Variants in PKHD1 observed in about 807,000 individuals in gnomAD.
PKHD1 encodes PKHD1 ciliary IPT domain containing fibrocystin/polyductin.
Under a neutral mutation model 412.0 loss-of-function variants are expected in PKHD1, and 291 were observed. That is an observed-to-expected ratio of 0.71 (90% CI 0.64 to 0.78). The LOEUF is 0.78. Among genes scored for constraint, PKHD1 ranks in the 30% least tolerant of loss-of-function variants. The pLI, the probability that PKHD1 is intolerant of heterozygous loss-of-function variation, is 0.00. For missense variants in PKHD1, 4,825 were observed against 4,950.7 expected (o/e 0.97, Z 0.76); for synonymous variants, 1,777 against 1,821.5 (o/e 0.98, Z 0.62).
chr6:51,847,900 T>G lies in PKHD1; in HGVS notation c.7982A>C (p.Tyr2661Ser). 1 of 1,613,892 alleles carries G rather than the reference T, an allele frequency of 6.2e-7. No individual in the cohort carries two copies. Among genetic ancestry groups the G allele is most frequent in the Non-Finnish European group, 8.5e-7 (1 of 1,179,822 alleles). ...LLLVHTDLPP[Y>S]PDILLRCGSR... The stretch of plus-strand genomic sequence containing the variant: ...CCCACATCTTAGGAGGATGTCAGGG[T>G]AAGGCGGCAAATCTGTGTGCACCAG... Residue 2661 changes from tyrosine (Y) to serine (S), a missense_variant, in exon 50 of 67, where the codon TAC becomes TCC. Tyr to Ser is a moderately radical substitution (Grantham distance 144). Transcript: ENST00000371117.
intron 64 of PKHD1, among the ~76,000 whole-genome samples, chr6:51,633,139 A>T (rs1012929299): frequency 1.3e-5 from 2 of 152,192 alleles, no homozygotes; most frequent in Admixed American, 1.3e-4. Context: ...AACACATCAA[A>T]ACAGGGGCAT....
intron 36 of PKHD1, among the ~76,000 whole-genome samples, chr6:51,959,184 C>A (rs1290806107): frequency 5.3e-5 from 8 of 152,048 alleles, no homozygotes; most frequent in Non-Finnish European, 2.9e-5. Context: ...AATCATATCT[C>A]CCATGTAATT....
intron 35 of PKHD1, among the ~76,000 whole-genome samples, chr6:51,962,756 C>T (rs891016518): frequency 6.6e-6 from 1 of 152,084 alleles, no homozygotes; most frequent in African/African-American, 2.4e-5. Context: ...TTACTTAATT[C>T]ATGCCTCTGC....
intron 55 of PKHD1, among the ~76,000 whole-genome samples, chr6:51,756,794 G>T (rs1040186595): frequency 1.3e-5 from 2 of 152,142 alleles, no homozygotes; most frequent in African/African-American, 4.8e-5. Flanking sequence ...AAGTCAATCT[G>T]CTGTATAATT....
intron 16 of PKHD1, among the ~76,000 whole-genome samples, chr6:52,057,424 CTT>C (rs34656811): frequency 1.7e-4 from 25 of 147,844 alleles, no homozygotes; most frequent in South Asian, 8.6e-4. Context: ...TTCTATGCAG[CTT>C]TTTTTTTTTT....
At chr6:51,801,454 T>G (rs1439684728) in intron 52 of PKHD1, among the ~76,000 whole-genome samples, 1 of 152,116 alleles carries the variant, frequency 6.6e-6, no homozygotes, top group African/African-American at 2.4e-5. Flanking sequence ...AGTGCTAGCT[T>G]TATAGTCTGC....
chr6:51,769,396 C>A (rs1789670614), intron 55 of PKHD1, among the ~76,000 whole-genome samples: 1 of 151,054 alleles, frequency 6.6e-6, no homozygotes, highest in Admixed American at 6.6e-5. Context: ...GTTAAAAATT[C>A]CTTTTTATAA....
At chr6:51,941,777 A>C (rs1788619141) in intron 36 of PKHD1, among the ~76,000 whole-genome samples, 3 of 150,488 alleles carry the variant, frequency 2.0e-5, no homozygotes, top group South Asian at 2.1e-4. Context: ...TTTCTTTACT[A>C]TTCCTTTGCA....
At chr6:52,015,154 T>A (rs1800366017) in intron 34 of PKHD1, among the ~76,000 whole-genome samples, 1 of 152,218 alleles carries the variant, frequency 6.6e-6, no homozygotes, top group East Asian at 1.9e-4. Flanking sequence ...ATTATAAATA[T>A]TTCCCTGTCT....
chr6:51,913,692 T>C (rs1783341616), intron 37 of PKHD1, among the ~76,000 whole-genome samples: 1 of 152,126 alleles, frequency 6.6e-6, no homozygotes, highest in Admixed American at 6.6e-5. Flanking sequence ...TGGCCGACAA[T>C]AAATCATTTT....
intron 45 of PKHD1, among the ~76,000 whole-genome samples, chr6:51,883,600 C>T (rs188439552): frequency 3.9e-5 from 6 of 152,202 alleles, no homozygotes; most frequent in African/African-American, 1.4e-4. Context: ...TATATTAACT[C>T]ATACTGTCAG....
chr6:52,066,712 CA>C (rs1454521207), intron 11 of PKHD1, among the ~76,000 whole-genome samples: 2 of 151,996 alleles, frequency 1.3e-5, no homozygotes, highest in Non-Finnish European at 2.9e-5. Context: ...CCAACATGAC[CA>C]ATATGGTGAA....
chr6:51,958,245 C>A (rs1791448717), intron 36 of PKHD1, among the ~76,000 whole-genome samples: 1 of 152,080 alleles, frequency 6.6e-6, no homozygotes, highest in Non-Finnish European at 1.5e-5. Context: ...AGAAGAGACC[C>A]TTCAGATGAC....
chr6:51,946,818 T>C (rs1476201391), intron 36 of PKHD1, among the ~76,000 whole-genome samples: 2 of 152,242 alleles, frequency 1.3e-5, no homozygotes, highest in Admixed American at 6.5e-5. Context: ...TTGTTTCTTT[T>C]AAAGGGAAGT....
At chr6:51,721,438 G>T (rs1781914505) in intron 60 of PKHD1, 12 of 653,672 alleles carry the variant, frequency 1.8e-5, no homozygotes, top group Admixed American at 6.4e-5. Context: ...AATATAATTG[G>T]TAAAGAAGAG....
chr6:51,855,335 C>T (rs1773083634), intron 49 of PKHD1, among the ~76,000 whole-genome samples: 1 of 152,182 alleles, frequency 6.6e-6, no homozygotes, highest in Admixed American at 6.5e-5. Context: ...CGATGGTAGC[C>T]TCCGAACGTC....
intron 23 of PKHD1, among the ~76,000 whole-genome samples, chr6:52,047,211 C>T (rs1043681277): frequency 6.6e-6 from 1 of 152,080 alleles, no homozygotes; most frequent in East Asian, 1.9e-4. Flanking sequence ...GAAGTAAAAT[C>T]AAATATAAAT....
At chr6:51,952,644 G>T (rs980896503) in intron 36 of PKHD1, among the ~76,000 whole-genome samples, 2 of 152,080 alleles carry the variant, frequency 1.3e-5, no homozygotes, top group Non-Finnish European at 2.9e-5. Flanking sequence ...GATACACTTA[G>T]CTTTGAATAT....
intron 53 of PKHD1, among the ~76,000 whole-genome samples, chr6:51,786,968 C>G (rs1424897753): frequency 6.6e-6 from 1 of 152,182 alleles, no homozygotes; most frequent in Non-Finnish European, 1.5e-5. Flanking sequence ...GCCCTCTAAG[C>G]AAAGCTTTGA....
Sources: gnomAD v4.1 joint callset for allele counts (sites outside exome capture counted in the v4.1 genomes callset) on GRCh38, gnomAD v4.1.1 for gene constraint, MANE v1.5 for transcripts, NCBI Gene and HGNC (gene_info 2026-07-23, HGNC 2026-07-21) for gene names.